ASB4: variants seen among roughly 807,000 people sequenced by gnomAD.
The protein encoded by ASB4 is ankyrin repeat and SOCS box protein 4.
ASB4 carries 35 observed loss-of-function variants against 38.6 expected under a neutral mutation model. The ratio of observed to expected loss-of-function variants is 0.91; its 90% CI spans 0.69 to 1.20. The LOEUF is 1.20. ASB4 is among the 50% of genes most tolerant of loss of function. ASB4 has a pLI of 0.00. For synonymous variants in ASB4, 195 were observed against 201.3 expected, an observed-to-expected ratio of 0.97 and a Z score of 0.26; for missense variants, 557 against 527.2, an observed-to-expected ratio of 1.06 and a Z score of -0.55.
Position 95,536,564 on chromosome 7 carries a change from T to G in ASB4, c.1092+14T>G. 1.3e-6 allele frequency: 2 copies of G among 1,537,928 alleles called. No individual in the cohort carries two copies. The highest frequency in any genetic ancestry group is 1.8e-6 in the Non-Finnish European group (2 of 1,112,674). On this transcript the variant is annotated intron_variant, in intron 4 of 4. Coordinates refer to ENST00000325885, the MANE Select transcript of ASB4 (RefSeq NM_016116.3). ...GATGACTTGGAGGTAAATAATCGATTCCCTTCTAATAGTTTTCACTATCAA... is the reference window on the plus strand; with the variant it reads ...GATGACTTGGAGGTAAATAATCGATGCCCTTCTAATAGTTTTCACTATCAA...
At chr7:95,527,387 A>G (rs1379480049) in intron 2 of ASB4, among the ~76,000 whole-genome samples, 1 of 152,330 alleles carries the variant, frequency 6.6e-6, no homozygotes, top group East Asian at 1.9e-4. Flanking sequence ...ATTTTGTGGA[A>G]TATTCTAAAC....
chr7:95,547,920 A>T, the ASB4 span, among the ~76,000 whole-genome samples: 9 of 152,206 alleles, frequency 5.9e-5, no homozygotes, highest in African/African-American at 2.2e-4. Context: ...TAGTCCCTAT[A>T]ATCATCTGAG....
the ASB4 span, among the ~76,000 whole-genome samples, chr7:95,472,437 G>A: frequency 6.6e-6 from 1 of 152,110 alleles, no homozygotes; most frequent in East Asian, 1.9e-4. Flanking sequence ...GTCCTGTGTG[G>A]AATTCTGGGC....
chr7:95,533,682 C>CTA (rs968681157), intron 3 of ASB4, among the ~76,000 whole-genome samples: 41 of 152,212 alleles, frequency 2.7e-4, no homozygotes, highest in African/African-American at 9.6e-4. Flanking sequence ...CTGACTCTAC[C>CTA]ATTTCCTAGC....
At chr7:95,496,167 A>G in intron 2 of ASB4, 110 bp downstream of exon 2, 2 of 1,035,356 alleles carry the variant, frequency 1.9e-6, no homozygotes, top group South Asian at 3.1e-5. Context: ...AGATGCAATT[A>G]TGCCTAGTAC....
chr7:95,530,701 G>A (rs1790808694), intron 3 of ASB4, among the ~76,000 whole-genome samples: 1 of 152,156 alleles, frequency 6.6e-6, no homozygotes, highest in South Asian at 2.1e-4. Context: ...CGCCTTGTAA[G>A]CTGTGGGAAT....
chr7:95,534,881 G>A (rs1483753364), intron 3 of ASB4, among the ~76,000 whole-genome samples: 6 of 152,100 alleles, frequency 3.9e-5, no homozygotes, highest in African/African-American at 7.2e-5. Flanking sequence ...ATCCCTTCTC[G>A]TTAAGAGTGT....
chr7:95,532,013 G>A (rs111740338), intron 3 of ASB4, among the ~76,000 whole-genome samples: 2,067 of 152,218 alleles, frequency 0.014, 22 homozygotes, highest in Non-Finnish European at 0.02. Context: ...AAACATTTTT[G>A]TTGCTACTCA....
chr7:95,534,834 A>G lies in ASB4; in HGVS notation c.979-1603A>G, dbSNP rs1030760511. On this transcript the variant is annotated intron_variant, in intron 3 of 4. Coordinates refer to ENST00000325885, the MANE Select transcript of ASB4 (RefSeq NM_016116.3). ...GTCATAGTACTAAACCCAGTGCTCAATAAAGGCTTCTTAATGGAATGGATA... is the reference window on the plus strand; with the variant it reads ...GTCATAGTACTAAACCCAGTGCTCAGTAAAGGCTTCTTAATGGAATGGATA... Among the ~76,000 whole-genome samples, 9 of 152,334 alleles carry G rather than the reference A, an allele frequency of 5.9e-5. No individual in the cohort carries two copies. In the East Asian group the frequency reaches 1.4e-3, roughly 23 times the overall value.
intron 2 of ASB4, among the ~76,000 whole-genome samples, chr7:95,525,119 A>T (rs1790719339): frequency 6.6e-6 from 1 of 152,208 alleles, no homozygotes; most frequent in Admixed American, 6.5e-5. Context: ...CTAGAGTGAT[A>T]GGTCTACAAG....
the ASB4 span, chr7:95,471,861 T>G: frequency 2.0e-5 from 2 of 102,192 alleles, no homozygotes; most frequent in East Asian, 8.1e-4. Context: ...AGGCAGGTAC[T>G]ATTATTATCT....
chr7:95,546,041 G>C, the ASB4 span, among the ~76,000 whole-genome samples: 1 of 152,194 alleles, frequency 6.6e-6, no homozygotes, highest in Admixed American at 6.5e-5. Context: ...AGACATGCCA[G>C]AGTTGGAACT....
intron 2 of ASB4, among the ~76,000 whole-genome samples, chr7:95,523,697 C>T (rs1454598873): frequency 6.6e-6 from 1 of 151,956 alleles, no homozygotes; most frequent in African/African-American, 2.4e-5. Context: ...AGGAAATAAT[C>T]CTAAAATTTA....
the ASB4 span, among the ~76,000 whole-genome samples, chr7:95,551,021 C>T: frequency 4.6e-5 from 7 of 152,308 alleles, no homozygotes; most frequent in South Asian, 6.2e-4. Context: ...GCTTTTGTCA[C>T]GCAGGCTGGA....
downstream of ASB4, chr7:95,542,084 C>CAACA (rs532263251): frequency 3.4e-5 from 5 of 146,550 alleles, no homozygotes; most frequent in African/African-American, 1.3e-4. Context: ...ACAAAAAAAA[C>CAACA]AAAAAAAAAA....
At chr7:95,485,178 A>AT (rs903137332), upstream of ASB4, among the ~76,000 whole-genome samples, 9 of 151,818 alleles carry the variant, frequency 5.9e-5, no homozygotes, top group Admixed American at 5.3e-4. Context: ...AAGAGTAAGA[A>AT]TTTTTTTTAC....
At chr7:95,525,811 C>T (rs1000991849) in intron 2 of ASB4, among the ~76,000 whole-genome samples, 25 of 152,150 alleles carry the variant, frequency 1.6e-4, no homozygotes, top group Non-Finnish European at 3.2e-4. Flanking sequence ...CAGATGGCTT[C>T]ATGAAAGACC....
upstream of ASB4, among the ~76,000 whole-genome samples, chr7:95,475,533 GCCA>G (rs1436364126): frequency 1.3e-5 from 2 of 151,976 alleles, no homozygotes; most frequent in Admixed American, 6.5e-5. Flanking sequence ...ACAGGTGCGT[GCCA>G]CCACACCTGG....
In ASB4 at chr7:95,486,083, A is replaced by G. The variant is rs947892814; in HGVS notation, c.112A>G (p.Ile38Val). The change falls in exon 1 of 5, where the codon ATC becomes GTC. Residue 38 changes from isoleucine to valine, a missense_variant. Ile to Val is a conservative substitution (Grantham distance 29, BLOSUM62 3). Coordinates refer to ENST00000325885, the MANE Select transcript of ASB4 (RefSeq NM_016116.3). ...CTTCGGAAAATTGAAGGCTATTTTG[A>G]TCCAAAGGCAAATAGATGTGGACAC... ...NDFGKLKAIL[I>V]QRQIDVDTVF... 1.2e-6 allele frequency: 2 copies of G among 1,614,060 alleles called. No homozygotes were observed. Among genetic ancestry groups the G allele is most frequent in the Admixed American group, 1.7e-5 (1 of 60,008 alleles).
Sources: allele counts gnomAD v4.1 joint callset (sites outside exome capture counted in the v4.1 genomes callset), GRCh38; gene constraint gnomAD v4.1.1; transcripts MANE v1.5; gene names NCBI Gene and HGNC (gene_info 2026-07-23, HGNC 2026-07-21).